EDA: variants seen among roughly 807,000 people sequenced by gnomAD.
EDA encodes the protein ectodysplasin A.
EDA carries 2 observed loss-of-function variants against 23.6 expected under a neutral mutation model. The ratio of observed to expected loss-of-function variants is 0.08; its 90% CI spans 0.03 to 0.27. EDA has a LOEUF of 0.27. Among genes scored for constraint, EDA ranks in the 10% least tolerant of loss-of-function variants. The pLI is 1.00. For missense variants in EDA, 229 were observed against 324.2 expected (o/e 0.71, Z 2.26); for synonymous variants, 131 against 132.0 (o/e 0.99, Z 0.05).
chrX:69,981,512 T>C (rs1200385188), intron 2 of EDA, among the ~76,000 whole-genome samples: 2 of 111,706 alleles, frequency 1.8e-5, no homozygotes, highest in African/African-American at 6.5e-5. Context: ...GAATGATGGC[T>C]CTTTGGCCCA....
At position 70,033,537 on chromosome X, in the gene EDA, G is replaced by C. The variant is rs761263650; in HGVS notation, c.924+9G>C. The stretch of plus-strand genomic sequence containing the variant: ...TCTATAGTCAGGTAGAAGTGAGTAC[G>C]GTCTTAGGCCTAACTCTTCTTATAT... On this transcript the variant is annotated intron_variant, in intron 7 of 7. Coordinates refer to ENST00000374552, the MANE Select transcript of EDA (RefSeq NM_001399.5). 8 of 1,207,980 alleles carry C rather than the reference G, an allele frequency of 6.6e-6. No homozygotes were observed. The highest frequency in any genetic ancestry group is 7.8e-6 in the Non-Finnish European group (7 of 894,569).
At chrX:70,006,606 G>T (rs145469578) in intron 2 of EDA, among the ~76,000 whole-genome samples, 2,142 of 111,271 alleles carry the variant, frequency 0.019, 39 homozygotes, top group African/African-American at 0.065. Flanking sequence ...TCAGATCTTT[G>T]CCCATTTCTT....
At chrX:69,839,306 T>C (rs1191487532) in intron 1 of EDA, among the ~76,000 whole-genome samples, 2 of 111,927 alleles carry the variant, frequency 1.8e-5, no homozygotes, top group Non-Finnish European at 3.8e-5. Flanking sequence ...CTTTTTAACC[T>C]ACACCCACAG....
rs149020284 is a variant in EDA at position 69,779,660 on chromosome X, A to G, written c.396+162956A>G. On this transcript the variant is annotated intron_variant, in intron 1 of 7. Coordinates refer to ENST00000374552, the MANE Select transcript of EDA (RefSeq NM_001399.5). ...TGCTACTGATTTGTATAATTCATGCATTTAATAGTACTAAACGCTACTGAA... is the reference window on the plus strand; with the variant it reads ...TGCTACTGATTTGTATAATTCATGCGTTTAATAGTACTAAACGCTACTGAA... Among the ~76,000 whole-genome samples the G allele has an allele frequency of 7.9e-3, 885 of 111,740 alleles. 9 individuals carry two copies. Among genetic ancestry groups the G allele is most frequent in the African/African-American group, 0.028 (849 of 30,837 alleles).
chrX:69,920,655 A>G (rs2018416307), intron 1 of EDA, among the ~76,000 whole-genome samples: 1 of 111,213 alleles, frequency 9.0e-6, no homozygotes. Context: ...ATCATAGCAA[A>G]GGTACATACT....
chrX:69,771,648 C>T (rs144165164), intron 1 of EDA, among the ~76,000 whole-genome samples: 1 of 111,681 alleles, frequency 9.0e-6, no homozygotes, highest in East Asian at 2.8e-4. Context: ...AGTTGTATAA[C>T]TAAGAGAATG....
chrX:69,738,663 A>G (rs191811424), intron 1 of EDA, among the ~76,000 whole-genome samples: 67 of 109,130 alleles, frequency 6.1e-4, no homozygotes, highest in Non-Finnish European at 1.1e-3. Context: ...TTTTAGTTGC[A>G]TCTCATAAGT....
intron 1 of EDA, among the ~76,000 whole-genome samples, chrX:69,682,150 G>T (rs749078867): frequency 8.9e-6 from 1 of 112,494 alleles, no homozygotes; most frequent in South Asian, 3.7e-4. Context: ...AGGGGTCAGG[G>T]ACCCGCTTGT....
At chrX:69,829,908 A>G (rs892867657) in intron 1 of EDA, among the ~76,000 whole-genome samples, 1 of 112,057 alleles carries the variant, frequency 8.9e-6, no homozygotes, top group African/African-American at 3.2e-5. Flanking sequence ...CTAAAAGCAC[A>G]TCTTTCTAAG....
At chrX:69,781,766 C>T in intron 1 of EDA, among the ~76,000 whole-genome samples, 1 of 110,753 alleles carries the variant, frequency 9.0e-6, no homozygotes. Flanking sequence ...GCAATTATAT[C>T]TGTTAGACAG....
At chrX:70,019,571 G>T (rs1217945101) in intron 2 of EDA, among the ~76,000 whole-genome samples, 1 of 111,976 alleles carries the variant, frequency 8.9e-6, no homozygotes, top group Non-Finnish European at 1.9e-5. Flanking sequence ...CCATAAAAAA[G>T]AATGAGATCA....
chrX:69,939,421 G>T (rs991501420), intron 1 of EDA, among the ~76,000 whole-genome samples: 2 of 101,401 alleles, frequency 2.0e-5, no homozygotes, highest in Admixed American at 2.0e-4. Flanking sequence ...TAGAAATGCT[G>T]TGTTGATTTT....
At chrX:69,677,655 G>A (rs1934152312) in intron 1 of EDA, among the ~76,000 whole-genome samples, 1 of 112,292 alleles carries the variant, frequency 8.9e-6, no homozygotes, top group Admixed American at 9.4e-5. Context: ...CATGTCCTTT[G>A]CCCACTTTTT....
chrX:69,732,962 G>A (rs1054421260), intron 1 of EDA, among the ~76,000 whole-genome samples: 17 of 109,888 alleles, frequency 1.5e-4, no homozygotes, highest in African/African-American at 5.6e-4. Context: ...ATTTTTTCTT[G>A]TAAATTTGTT....
intron 1 of EDA, among the ~76,000 whole-genome samples, chrX:69,798,435 A>G (rs188614497): frequency 1.8e-5 from 2 of 111,723 alleles, no homozygotes; most frequent in East Asian, 2.8e-4. Flanking sequence ...AGTCTCAACA[A>G]ATTTTTAAAA....
intron 1 of EDA, among the ~76,000 whole-genome samples, chrX:69,756,083 C>T (rs770275029): frequency 9.8e-5 from 11 of 112,226 alleles, no homozygotes; most frequent in East Asian, 2.8e-4. Flanking sequence ...TGAGATGAAG[C>T]GGGTACCTCA....
intron 2 of EDA, among the ~76,000 whole-genome samples, chrX:70,010,913 A>G (rs1386707959): frequency 8.9e-6 from 1 of 111,895 alleles, no homozygotes; most frequent in Non-Finnish European, 1.9e-5. Context: ...TGACTCAGTT[A>G]TCTCTACCGG....
chrX:69,626,929 G>T (rs1174512096), intron 1 of EDA, among the ~76,000 whole-genome samples: 1 of 111,373 alleles, frequency 9.0e-6, no homozygotes, highest in Non-Finnish European at 1.9e-5. Flanking sequence ...GGCGTTGGTT[G>T]TTTCTGAATG....
chrX:69,790,328 G>C (rs1602412176), intron 1 of EDA, among the ~76,000 whole-genome samples: 1 of 110,184 alleles, frequency 9.1e-6, no homozygotes, highest in East Asian at 2.8e-4. Flanking sequence ...GTCGGGAGAG[G>C]GGGCAGAGGG....
Sources: allele counts gnomAD v4.1 joint callset (sites outside exome capture counted in the v4.1 genomes callset), GRCh38; gene constraint gnomAD v4.1.1; transcripts MANE v1.5; gene names NCBI Gene and HGNC (gene_info 2026-07-23, HGNC 2026-07-21).